Variants in UGGT2 observed in about 807,000 individuals in gnomAD.
The protein encoded by UGGT2 is UDP-glucose:glycoprotein glucosyltransferase 2.
A neutral mutation model predicts 192.1 loss-of-function variants in UGGT2; 180 were observed. The observed-to-expected ratio is 0.94, with a 90% confidence interval of 0.83 to 1.06. The LOEUF is 1.06. UGGT2 is among the 50% of genes least tolerant of loss of function. UGGT2 has a pLI of 0.00. For missense variants in UGGT2, 1,849 were observed against 1,795.7 expected, an observed-to-expected ratio of 1.03 and a Z score of -0.54; for synonymous variants, 580 against 591.0, an observed-to-expected ratio of 0.98 and a Z score of 0.27.
chr13:96,033,301 G>A (rs1289795679), intron 1 of UGGT2, among the ~76,000 whole-genome samples: 12 of 152,206 alleles, frequency 7.9e-5, no homozygotes, highest in Admixed American at 7.8e-4. Context: ...AACGCCAGCT[G>A]TAGCAAGGGA....
At chr13:95,917,973 G>A (rs1405039080) in intron 20 of UGGT2, among the ~76,000 whole-genome samples, 5 of 152,162 alleles carry the variant, frequency 3.3e-5, no homozygotes, top group Non-Finnish European at 2.9e-5. Context: ...GTATTAGACA[G>A]ATCATCGAGA....
At chr13:95,994,149 T>A (rs1392852282) in intron 7 of UGGT2, among the ~76,000 whole-genome samples, 1 of 152,104 alleles carries the variant, frequency 6.6e-6, no homozygotes, top group Non-Finnish European at 1.5e-5. Context: ...AAGTTCTAGA[T>A]TCTATAAAGT....
chr13:95,906,055 T>C (rs1384108139), intron 20 of UGGT2, among the ~76,000 whole-genome samples: 1 of 152,174 alleles, frequency 6.6e-6, no homozygotes. Flanking sequence ...CTGTTTTCAA[T>C]TACGTAGTTT....
intron 17 of UGGT2, among the ~76,000 whole-genome samples, chr13:95,927,642 T>TTTGTTTGC (rs1413650003): frequency 2.0e-5 from 3 of 152,130 alleles, no homozygotes; most frequent in Non-Finnish European, 4.4e-5. Context: ...TGTTTGTTTG[T>TTTGTTTGC]TTGTTTGCTT....
chr13:95,805,991 A>T (rs566103620), intron 38 of UGGT2, among the ~76,000 whole-genome samples: 3 of 151,316 alleles, frequency 2.0e-5, no homozygotes, highest in Non-Finnish European at 4.4e-5. Flanking sequence ...CCAACTAGTT[A>T]GAATCTTGGA....
chr13:95,933,244 C>G (rs1385594253), intron 17 of UGGT2, among the ~76,000 whole-genome samples: 1 of 152,178 alleles, frequency 6.6e-6, no homozygotes, highest in East Asian at 1.9e-4. Context: ...TTTTTTATTA[C>G]TGATTCAATT....
At chr13:96,030,154 C>T (rs1217819977) in intron 2 of UGGT2, among the ~76,000 whole-genome samples, 1 of 152,200 alleles carries the variant, frequency 6.6e-6, no homozygotes, top group Non-Finnish European at 1.5e-5. Flanking sequence ...GTTCCCTACT[C>T]CCTGGCTAAA....
intron 16 of UGGT2, among the ~76,000 whole-genome samples, chr13:95,938,031 AT>A (rs531174855): frequency 1.3e-5 from 2 of 152,290 alleles, no homozygotes; most frequent in Admixed American, 1.3e-4. Context: ...TGCTGGTTTT[AT>A]AAGGGGGAAT....
At chr13:95,975,499 T>C (rs935466603) in intron 10 of UGGT2, among the ~76,000 whole-genome samples, 2 of 152,186 alleles carry the variant, frequency 1.3e-5, no homozygotes, top group Admixed American at 6.5e-5. Flanking sequence ...ACTATATTTA[T>C]AGTCCAAAAA....
At chr13:95,810,025 A>C (rs1199766043) in intron 38 of UGGT2, among the ~76,000 whole-genome samples, 3 of 152,196 alleles carry the variant, frequency 2.0e-5, no homozygotes, top group Non-Finnish European at 4.4e-5. Context: ...ACAACTTCAC[A>C]AAATTTTCAT....
At chr13:95,819,538 A>G (rs1212938162) in intron 38 of UGGT2, among the ~76,000 whole-genome samples, 1 of 64,726 alleles carries the variant, frequency 1.5e-5, no homozygotes, top group Non-Finnish European at 4.2e-5. Context: ...ATATATGTAT[A>G]TATGTATGTA....
intron 29 of UGGT2, among the ~76,000 whole-genome samples, chr13:95,876,195 T>C (rs1473713614): frequency 6.6e-6 from 1 of 152,158 alleles, no homozygotes; most frequent in Non-Finnish European, 1.5e-5. Flanking sequence ...AACAGGAAAA[T>C]TTTTGTGCAA....
chr13:95,968,749 G>A (rs1047222037), intron 12 of UGGT2, among the ~76,000 whole-genome samples: 4 of 152,076 alleles, frequency 2.6e-5, no homozygotes, highest in African/African-American at 9.7e-5. Flanking sequence ...GAATTACCCA[G>A]TCTCAGGTAT....
chr13:95,989,226 T>C (rs1233220227), intron 8 of UGGT2, among the ~76,000 whole-genome samples: 1 of 152,096 alleles, frequency 6.6e-6, no homozygotes, highest in Non-Finnish European at 1.5e-5. Context: ...TGAATAGTAT[T>C]ATTATAGTAA....
At chr13:96,011,218 A>G (rs1018238858) in intron 5 of UGGT2, among the ~76,000 whole-genome samples, 1 of 152,156 alleles carries the variant, frequency 6.6e-6, no homozygotes, top group African/African-American at 2.4e-5. Flanking sequence ...AATATAATCT[A>G]TAAACAAAAA....
intron 33 of UGGT2, chr13:95,856,579 T>G: frequency 1.5e-5 from 7 of 474,068 alleles, no homozygotes; most frequent in Admixed American, 7.8e-5. Flanking sequence ...ATAAGTGCAC[T>G]ATATTATTTA....
At chr13:95,822,028 T>C (rs753186625) in intron 38 of UGGT2, among the ~76,000 whole-genome samples, 1 of 152,184 alleles carries the variant, frequency 6.6e-6, no homozygotes, top group Non-Finnish European at 1.5e-5. Context: ...TTGTTTAGGA[T>C]TGCTTTAGCT....
intron 26 of UGGT2, chr13:95,887,479 G>T: frequency 6.2e-6 from 2 of 320,918 alleles, no homozygotes; most frequent in Non-Finnish European, 1.2e-5. Context: ...TATATCTCTG[G>T]CAGGTTATTC....
Position 95,903,014 on chromosome 13 carries a change from G to C in UGGT2, c.2342C>G (p.Ser781Ter), listed in dbSNP as rs2048156390. ...AGCTGTGTTCTCTTCATTTATTTTTGATGTAGGATTATAAATAATCCCCAA... is the reference window on the plus strand; with the variant it reads ...AGCTGTGTTCTCTTCATTTATTTTTCATGTAGGATTATAAATAATCCCCAA... The part of the protein sequence containing the change: ...SRLGIIYNPT[S>*]KINEENTAIS... Residue 781 changes from serine (S) to a stop codon, truncating the protein, a stop_gained, in exon 21 of 39, where the codon TCA (serine) becomes TGA (stop). Coordinates refer to ENST00000376747, the MANE Select transcript of UGGT2 (RefSeq NM_020121.4). LOFTEE classifies it high-confidence loss of function. 1 of 1,612,902 alleles carries C rather than the reference G, an allele frequency of 6.2e-7. No individual in the cohort carries two copies. The highest frequency in any genetic ancestry group is 8.5e-7 in the Non-Finnish European group (1 of 1,179,572).
Sources: allele counts gnomAD v4.1 joint callset (sites outside exome capture counted in the v4.1 genomes callset), GRCh38; gene constraint gnomAD v4.1.1; transcripts MANE v1.5; gene names NCBI Gene and HGNC (gene_info 2026-07-23, HGNC 2026-07-21).